The following SP4 variants were observed in gnomAD, a reference collection of about 807,000 sequenced individuals.
SP4 encodes transcription factor Sp4.
A neutral mutation model predicts 72.8 loss-of-function variants in SP4; 19 were observed. The ratio of observed to expected loss-of-function variants is 0.26; its 90% confidence interval spans 0.18 to 0.38. The LOEUF (loss-of-function observed/expected upper bound fraction) is 0.38, where lower values mean the gene tolerates loss of function less well. SP4 is among the 10% of genes least tolerant of loss of function. The pLI, the probability that SP4 is intolerant of heterozygous loss-of-function variation, is 1.00. For missense variants in SP4, 1,008 were observed against 926.3 expected (o/e 1.09, Z -1.14); for synonymous variants, 395 against 333.1 (o/e 1.19, Z -2.02).
chr7:21,438,021 A>C (rs6461562), intron 3 of SP4, among the ~76,000 whole-genome samples: 2 of 149,538 alleles, frequency 1.3e-5, no homozygotes, highest in Admixed American at 6.6e-5. Flanking sequence ...TTTTTTTTCT[A>C]ACGTAGTTCT....
At chr7:21,439,333 T>C (rs1213746003) in intron 3 of SP4, among the ~76,000 whole-genome samples, 1 of 152,178 alleles carries the variant, frequency 6.6e-6, no homozygotes, top group Non-Finnish European at 1.5e-5. Context: ...TTTTAAGTTA[T>C]TTATGCTGAT....
At position 21,429,644 on chromosome 7, in the gene SP4, G is replaced by C. The variant is rs751200576; in HGVS notation, c.479G>C (p.Ser160Thr). The C allele has an allele frequency of 4.3e-6, 7 of 1,614,040 alleles. No homozygotes were observed. The highest frequency in any genetic ancestry group is 5.9e-6 in the Non-Finnish European group (7 of 1,179,934). ...QFQVIQVQNP[S>T]GSVQYQVIPQ... ...CAAGTCATACAAGTACAAAATCCAA[G>C]TGGTAGTGTACAGTACCAAGTAATT... The change falls in exon 3 of 6, where the codon AGT (serine) becomes ACT (threonine). Residue 160 changes from serine (S) to threonine (T), a missense_variant. Coordinates refer to ENST00000222584, the MANE Select transcript of SP4 (RefSeq NM_003112.5).
At chr7:21,489,098 GTTC>G (rs1225147119) in intron 5 of SP4, among the ~76,000 whole-genome samples, 1 of 152,040 alleles carries the variant, frequency 6.6e-6, no homozygotes, top group Admixed American at 6.5e-5. Context: ...TGCAGTATAG[GTTC>G]TTTATAATAT....
intron 3 of SP4, among the ~76,000 whole-genome samples, chr7:21,433,234 C>A (rs1288225298): frequency 6.6e-6 from 1 of 152,166 alleles, no homozygotes; most frequent in Non-Finnish European, 1.5e-5. Flanking sequence ...ATAATTTTTT[C>A]ACTTAAAGGA....
At chr7:21,453,885 C>T (rs1438843082) in intron 3 of SP4, among the ~76,000 whole-genome samples, 1 of 152,222 alleles carries the variant, frequency 6.6e-6, no homozygotes, top group East Asian at 1.9e-4. Context: ...TCTGCCACGA[C>T]TTGCTCAAAC....
At chr7:21,445,108 T>G (rs1163203144) in intron 3 of SP4, among the ~76,000 whole-genome samples, 1 of 152,140 alleles carries the variant, frequency 6.6e-6, no homozygotes, top group Non-Finnish European at 1.5e-5. Context: ...TAATTTTGAA[T>G]AAATGAAAAA....
intron 3 of SP4, among the ~76,000 whole-genome samples, chr7:21,458,206 G>A (rs1436931030): frequency 6.6e-6 from 1 of 151,922 alleles, no homozygotes; most frequent in Non-Finnish European, 1.5e-5. Flanking sequence ...TTGGGGGGTG[G>A]GGTGGGGATG....
chr7:21,465,707 A>T (rs576262232), intron 3 of SP4, among the ~76,000 whole-genome samples: 8 of 152,154 alleles, frequency 5.3e-5, no homozygotes, highest in Non-Finnish European at 1.2e-4. Context: ...ACCTTGTCAC[A>T]ATAAAAAATT....
Position 21,501,668 on chromosome 7 carries a change from G to T in SP4, c.2108-9354G>T, listed in dbSNP as rs551588708. Among the ~76,000 whole-genome samples the T allele has an allele frequency of 2.6e-5, 4 of 152,166 alleles. No individual in the cohort carries two copies. In the East Asian group the frequency reaches 7.7e-4, roughly 29 times the overall value. ...CCAATCTTCTAGCCAACCCATAAATGGGTCATCAATTCCAGCATTTTCTGC... is the reference window on the plus strand; with the variant it reads ...CCAATCTTCTAGCCAACCCATAAATTGGTCATCAATTCCAGCATTTTCTGC... On this transcript the variant is annotated intron_variant, in intron 5 of 5. Coordinates refer to ENST00000222584, the MANE Select transcript of SP4 (RefSeq NM_003112.5).
intron 3 of SP4, among the ~76,000 whole-genome samples, chr7:21,433,943 CAAA>C (rs569313640): frequency 7.2e-6 from 1 of 138,824 alleles, no homozygotes; most frequent in Non-Finnish European, 1.6e-5. Context: ...AACTCCATCT[CAAA>C]AAAAAAAGAA....
chr7:21,469,842 A>G (rs905786278), intron 3 of SP4, among the ~76,000 whole-genome samples: 5 of 151,992 alleles, frequency 3.3e-5, no homozygotes, highest in African/African-American at 1.2e-4. Flanking sequence ...ATGAGCCACC[A>G]TGCTGGGCCT....
intron 5 of SP4, among the ~76,000 whole-genome samples, chr7:21,496,468 G>T (rs1407615811): frequency 1.3e-5 from 2 of 152,130 alleles, no homozygotes; most frequent in African/African-American, 4.8e-5. Flanking sequence ...ATTATTTTGT[G>T]CAACCCCATC....
At chr7:21,500,018 A>G (rs1475795957) in intron 5 of SP4, among the ~76,000 whole-genome samples, 1 of 152,232 alleles carries the variant, frequency 6.6e-6, no homozygotes, top group Non-Finnish European at 1.5e-5. Context: ...ACTGTTAAGA[A>G]TATTAAAATA....
chr7:21,432,855 G>T (rs1462662406), intron 3 of SP4, among the ~76,000 whole-genome samples: 2 of 152,182 alleles, frequency 1.3e-5, no homozygotes, highest in African/African-American at 4.8e-5. Context: ...AATTAGCTGG[G>T]TGTGGTGGCA....
At chr7:21,451,197 G>T (rs139313150) in intron 3 of SP4, among the ~76,000 whole-genome samples, 3 of 152,112 alleles carry the variant, frequency 2.0e-5, no homozygotes, top group African/African-American at 4.8e-5. Flanking sequence ...AAACTCTGCC[G>T]TTTGCCTCTT....
In SP4 at chr7:21,428,159, C is replaced by A. The variant is rs1782677012; in HGVS notation, c.-93C>A. 4.0e-6 allele frequency: 3 copies of A among 757,822 alleles called. No individual in the cohort carries two copies. Among genetic ancestry groups the A allele is most frequent in the Non-Finnish European group, 4.7e-6 (2 of 422,048 alleles). 46.9% of individuals were successfully genotyped at this position (757,822 alleles called of 1,614,324 possible). A position where few individuals can be genotyped will look rare whatever the true frequency, so the allele number is the denominator to read the frequency against. ...ACAGCCTCCTCCGAGCCACCGCGGG[C>A]GGGCGGGACCGGCCTCTCCTCCCGC... On this transcript the variant is annotated 5_prime_UTR_variant, in exon 1 of 6. Transcript: ENST00000222584.
At chr7:21,501,693 C>T (rs1271913470) in intron 5 of SP4, among the ~76,000 whole-genome samples, 1 of 152,176 alleles carries the variant, frequency 6.6e-6, no homozygotes, top group African/African-American at 2.4e-5. Context: ...GCATTTTCTG[C>T]CAGTTCATTG....
chr7:21,467,480 A>G (rs1460894358), intron 3 of SP4, among the ~76,000 whole-genome samples: 1 of 152,174 alleles, frequency 6.6e-6, no homozygotes, highest in East Asian at 1.9e-4. Context: ...ATATGACCTC[A>G]TAAAGAAACC....
intron 5 of SP4, among the ~76,000 whole-genome samples, chr7:21,496,656 T>G (rs1781716667): frequency 6.6e-6 from 1 of 152,238 alleles, no homozygotes; most frequent in South Asian, 2.1e-4. Flanking sequence ...TTGAGCTTCT[T>G]GGATATGCAG....
Sources: gnomAD v4.1 joint callset for allele counts (sites outside exome capture counted in the v4.1 genomes callset) on GRCh38, gnomAD v4.1.1 for gene constraint, MANE v1.5 for transcripts, NCBI Gene and HGNC (gene_info 2026-07-23, HGNC 2026-07-21) for gene names.